The following RAB35 variants were observed in gnomAD, a reference collection of about 807,000 sequenced individuals.
RAB35 encodes the protein ras-related protein Rab-35.
RAB35 carries 4 observed loss-of-function variants against 28.9 expected under a neutral mutation model. The observed-to-expected ratio is 0.14, with a 90% CI of 0.07 to 0.32. The LOEUF (loss-of-function observed/expected upper bound fraction) is 0.32. Ranked by LOEUF, RAB35 falls within the 10% of genes least tolerant of loss-of-function variation. RAB35 has a pLI of 1.00. For missense variants in RAB35, 128 were observed against 274.0 expected (o/e 0.47, Z 3.76); for synonymous variants, 99 against 105.1 (o/e 0.94, Z 0.35).
chr12:120,113,471 G>A lies in RAB35; in HGVS notation c.52+3128C>T, dbSNP rs1357280041. ...GATGGCTGGCCTGAGGGATGCAGAC[G>A]ACATGCTGTTACAAATCAAAGCCAG... On this transcript the variant is annotated intron_variant, in intron 1 of 5. Coordinates refer to ENST00000229340, the MANE Select transcript of RAB35 (RefSeq NM_006861.7). Among the ~76,000 whole-genome samples the A allele has an allele frequency of 3.3e-5, 5 of 152,220 alleles. No homozygotes were observed. The South Asian group carries it at 1.0e-3, about 32-fold the overall frequency.
intron 3 of RAB35, among the ~76,000 whole-genome samples, chr12:120,100,787 C>T (rs1475268389): frequency 6.6e-6 from 1 of 152,202 alleles, no homozygotes; most frequent in Non-Finnish European, 1.5e-5. Flanking sequence ...TGGCACTGGG[C>T]CCAAGAACTA....
At chr12:120,116,459 C>T (rs1295408757) in intron 1 of RAB35, 140 bp downstream of exon 1, 5 of 528,356 alleles carry the variant, frequency 9.5e-6, no homozygotes, top group Non-Finnish European at 1.2e-5. Context: ...CCTCGGCGCA[C>T]CCCTGGGGCC....
At chr12:120,104,333 CA>C (rs1439534943) in intron 2 of RAB35, among the ~76,000 whole-genome samples, 3 of 151,638 alleles carry the variant, frequency 2.0e-5, no homozygotes, top group African/African-American at 7.3e-5. Context: ...CTATTCAAGT[CA>C]AAAAAAATTT....
chr12:120,108,981 G>A (rs1009554931), intron 1 of RAB35, among the ~76,000 whole-genome samples: 8 of 152,244 alleles, frequency 5.3e-5, no homozygotes, highest in Non-Finnish European at 1.2e-4. Context: ...AGAACTCAAT[G>A]GCTACCATCT....
Position 120,095,374 on chromosome 12 carries a change from T to G in RAB35, c.*1871A>C, listed in dbSNP as rs1344234073. 1 of 151,670 alleles carries G rather than the reference T, an allele frequency of 6.6e-6. No homozygotes were observed. Among genetic ancestry groups the G allele is most frequent in the East Asian group, 2.0e-4 (1 of 5,036 alleles). The allele number at this position is 151,670 out of a possible 1,614,324, so 9.4% of individuals were successfully genotyped here. On this transcript the variant is annotated 3_prime_UTR_variant, in exon 6 of 6. Transcript: ENST00000229340. ...AGCTGCCAGAAGCCATGGGGGCTTC[T>G]AGCCTGGGCTGGAAGCCCCCAGGAA...
chr12:120,113,247 C>T (rs1415719329), intron 1 of RAB35, among the ~76,000 whole-genome samples: 1 of 146,498 alleles, frequency 6.8e-6, no homozygotes, highest in Non-Finnish European at 1.5e-5. Flanking sequence ...GTTGCTCTCA[C>T]TATGGTCTCG....
intron 1 of RAB35, among the ~76,000 whole-genome samples, chr12:120,116,258 G>A (rs1876329310): frequency 6.6e-6 from 1 of 152,134 alleles, no homozygotes; most frequent in Non-Finnish European, 1.5e-5. Flanking sequence ...TCAGGACGGC[G>A]AAGCAACTTG....
intron 5 of RAB35, 101 bp downstream of exon 5, chr12:120,098,710 A>G (rs1177434537): frequency 2.6e-6 from 4 of 1,514,056 alleles, no homozygotes; most frequent in Admixed American, 3.9e-5. Context: ...GGCAGTTACT[A>G]TGACATTTTC....
chr12:120,112,671 C>A (rs1876166670), intron 1 of RAB35, among the ~76,000 whole-genome samples: 1 of 151,700 alleles, frequency 6.6e-6, no homozygotes, highest in Non-Finnish European at 1.5e-5. Flanking sequence ...CTCAAGTGAT[C>A]CTCCACCTCG....
chr12:120,109,992 C>T (rs1876049190), intron 1 of RAB35, among the ~76,000 whole-genome samples: 1 of 152,174 alleles, frequency 6.6e-6, no homozygotes. Context: ...ATTCTGGCCA[C>T]ATCTCTTGAG....
chr12:120,114,713 C>G (rs191876859), intron 1 of RAB35, among the ~76,000 whole-genome samples: 94 of 152,344 alleles, frequency 6.2e-4, no homozygotes, highest in African/African-American at 2.2e-3. Context: ...CCACACCTGA[C>G]TTCGGAGAGA....
rs1017943903 is a variant in RAB35, at chr12:120,103,418, C to A, written c.227+408G>T. On this transcript the variant is annotated intron_variant, in intron 3 of 5. Transcript: ENST00000229340. The surrounding 1 kb of genome is among the most constrained non-coding windows in gnomAD (Gnocchi z 6.1). ...TGACGGGAGCCTGCACAGGCCAACT[C>A]CAGCTGCCATAACTGACACCTACCA... is the stretch of plus-strand genomic sequence containing the variant. Among the ~76,000 whole-genome samples, 2 of 152,240 alleles carry A rather than the reference C, an allele frequency of 1.3e-5. No individual in the cohort carries two copies. The highest frequency in any genetic ancestry group is 4.8e-5 in the African/African-American group (2 of 41,462).
intron 1 of RAB35, among the ~76,000 whole-genome samples, chr12:120,115,662 T>C (rs1429662086): frequency 6.6e-6 from 1 of 152,240 alleles, no homozygotes; most frequent in East Asian, 1.9e-4. Context: ...TCTGCAAATA[T>C]GTCTTAAGCA....
At chr12:120,111,506 C>G (rs375217833) in intron 1 of RAB35, among the ~76,000 whole-genome samples, 9 of 152,114 alleles carry the variant, frequency 5.9e-5, no homozygotes, top group African/African-American at 1.9e-4. Context: ...ATGATGAACA[C>G]CCCACCTCTA....
At chr12:120,110,063 G>C (rs995328654) in intron 1 of RAB35, among the ~76,000 whole-genome samples, 29 of 152,138 alleles carry the variant, frequency 1.9e-4, no homozygotes, top group African/African-American at 6.5e-4. Context: ...CAGTAAAGCT[G>C]AGATCTGCAT....
At chr12:120,101,146 C>T (rs1875641430) in intron 3 of RAB35, among the ~76,000 whole-genome samples, 2 of 152,218 alleles carry the variant, frequency 1.3e-5, no homozygotes, top group South Asian at 2.1e-4. Flanking sequence ...GGAGCACCGA[C>T]GTTTCCCATG....
intron 2 of RAB35, among the ~76,000 whole-genome samples, chr12:120,105,550 G>C: frequency 6.6e-6 from 1 of 152,208 alleles, no homozygotes; most frequent in South Asian, 2.1e-4. Context: ...GGGGAGGGAA[G>C]TGTTGCTGGC....
At chr12:120,113,540 C>T (rs1236376461) in intron 1 of RAB35, among the ~76,000 whole-genome samples, 4 of 152,160 alleles carry the variant, frequency 2.6e-5, no homozygotes, top group Admixed American at 1.3e-4. Context: ...CAGAACTGGC[C>T]GGGCGCGGTG....
Position 120,115,774 on chromosome 12 carries a change from A to C in RAB35, c.52+825T>G, listed in dbSNP as rs1390924629. Among the ~76,000 whole-genome samples, 3 of 152,298 alleles carry C rather than the reference A, an allele frequency of 2.0e-5. No homozygotes were observed. The East Asian group carries it at 5.8e-4, about 29-fold the overall frequency. ...TGTGTGTGGCCAAAGCACTTTTATA[A>C]TTTTGGCTGTCCCATCCCCAGGACC... is the stretch of plus-strand genomic sequence containing the variant. On this transcript the variant is annotated intron_variant, in intron 1 of 5. Transcript: ENST00000229340.
Sources: allele counts gnomAD v4.1 joint callset (sites outside exome capture counted in the v4.1 genomes callset), GRCh38; gene constraint gnomAD v4.1.1; non-coding constraint Gnocchi (gnomAD v3.1); transcripts MANE v1.5; gene names NCBI Gene and HGNC (gene_info 2026-07-23, HGNC 2026-07-21).